The following STON2 variants were observed in gnomAD, a reference collection of about 807,000 sequenced individuals.
The protein encoded by STON2 is stonin 2, also known as stonin-2.
In STON2, 29 loss-of-function variants were observed where a neutral mutation model predicts 65.7. The observed-to-expected ratio is 0.44, with a 90% CI of 0.33 to 0.60. The LOEUF (loss-of-function observed/expected upper bound fraction) is 0.60. Ranked by LOEUF, STON2 falls within the 20% of genes least tolerant of loss-of-function variation. STON2 has a pLI of 0.03. For synonymous variants in STON2, 404 were observed against 414.2 expected (o/e 0.98, Z 0.30); for missense variants, 1,054 against 1,118.1 (o/e 0.94, Z 0.82).
Position 81,261,990 on chromosome 14 carries a change from G to A in STON2, c.*6424C>T. On this transcript the variant is annotated 3_prime_UTR_variant, in exon 8 of 8. Coordinates refer to ENST00000614646, the MANE Select transcript of STON2 (RefSeq NM_001394390.1). ...GAGAGATGTGAAAAGGAAAAAGATG[G>A]ACCAGGTGATTTTTCCAATCTTCAA... 1.4e-6 allele frequency: 2 copies of A among 1,382,644 alleles called. No individual in the cohort carries two copies. The highest frequency in any genetic ancestry group is 9.3e-7 in the Non-Finnish European group (1 of 1,072,394). 85.6% of individuals were successfully genotyped at this position (1,382,644 alleles called of 1,614,324 possible). A position where few individuals can be genotyped will look rare whatever the true frequency, so the allele number is the denominator to read the frequency against.
At chr14:81,366,146 G>A (rs963786213) in intron 4 of STON2, among the ~76,000 whole-genome samples, 2 of 152,190 alleles carry the variant, frequency 1.3e-5, no homozygotes, top group Non-Finnish European at 2.9e-5. Flanking sequence ...CGCACCCTGT[G>A]ATTTAACCAA....
At chr14:81,409,940 T>G (rs1901067614) in intron 2 of STON2, among the ~76,000 whole-genome samples, 1 of 152,208 alleles carries the variant, frequency 6.6e-6, no homozygotes, top group Non-Finnish European at 1.5e-5. Flanking sequence ...GTGAGAAATA[T>G]AGTTCTGAAA....
chr14:81,342,769 G>A (rs905862810), intron 4 of STON2, among the ~76,000 whole-genome samples: 1 of 145,392 alleles, frequency 6.9e-6, no homozygotes, highest in Non-Finnish European at 1.5e-5. Flanking sequence ...TGGTCTAGAA[G>A]GGGGGGCATG....
At position 81,266,833 on chromosome 14, in the gene STON2, C is replaced by G; in HGVS notation, c.*1581G>C. The G allele has an allele frequency of 2.4e-6, 1 of 417,826 alleles. No homozygotes were observed. The allele number at this position is 417,826 out of a possible 1,614,324, so 25.9% of individuals were successfully genotyped here. A position where few individuals can be genotyped will look rare whatever the true frequency, so the allele number is the denominator to read the frequency against. On this transcript the variant is annotated 3_prime_UTR_variant, in exon 8 of 8. Coordinates refer to ENST00000614646, the MANE Select transcript of STON2 (RefSeq NM_001394390.1). The stretch of plus-strand genomic sequence containing the variant: ...ACACACATAAACACACACAAACACA[C>G]ACATCCACAAACACACACTCCACTC...
At chr14:81,345,481 G>A (rs144663382) in intron 4 of STON2, among the ~76,000 whole-genome samples, 2 of 152,194 alleles carry the variant, frequency 1.3e-5, no homozygotes, top group African/African-American at 2.4e-5. Flanking sequence ...TCCGGACACA[G>A]AATTGTGAGA....
chr14:81,415,100 T>C (rs1402428189), intron 2 of STON2, among the ~76,000 whole-genome samples: 3 of 151,988 alleles, frequency 2.0e-5, no homozygotes, highest in African/African-American at 7.3e-5. Flanking sequence ...GCAGCTGGAG[T>C]GGCTCTCACT....
chr14:81,298,634 T>C (rs1895858850), intron 5 of STON2, among the ~76,000 whole-genome samples: 1 of 152,172 alleles, frequency 6.6e-6, no homozygotes, highest in Non-Finnish European at 1.5e-5. Context: ...GAAAAGCATG[T>C]TGAACAGAAC....
rs917616536 is a variant in STON2, at chr14:81,395,971, A to G, written c.296T>C (p.Ile99Thr). 3 of 1,614,014 alleles carry G rather than the reference A, an allele frequency of 1.9e-6. No individual in the cohort carries two copies. The highest frequency in any genetic ancestry group is 2.5e-6 in the Non-Finnish European group (3 of 1,180,018). Residue 99 changes from isoleucine to threonine, a missense_variant, in exon 3 of 8, where the codon ATC becomes ACC. Coordinates refer to ENST00000614646, the MANE Select transcript of STON2 (RefSeq NM_001394390.1). Reference protein sequence around the residue: ...EQPPPDLASAISNWVQFEDDT... With the variant: ...EQPPPDLASATSNWVQFEDDT... ...ATCTTCAAACTGAACCCAGTTGCTG[A>G]TGGCCGAGGCCAGGTCAGGTGGGGG...
In STON2 at chr14:81,429,219, C is replaced by T. The variant is rs545640913; in HGVS notation, c.-309-2007G>A. 5.0e-4 allele frequency among the ~76,000 whole-genome samples: 76 copies of T among 152,324 alleles called. No homozygotes were observed. The South Asian group carries it at 0.016, about 31-fold the overall frequency. On this transcript the variant is annotated intron_variant, in intron 1 of 8. Coordinates refer to the STON2 transcript ENST00000553821. Reference sequence around the variant, plus strand: ...GTCATCTTAATGTCATTCTTAGTGTCACCATCCTTACGGAGATATGAAGTG... The same window carrying T: ...GTCATCTTAATGTCATTCTTAGTGTTACCATCCTTACGGAGATATGAAGTG...
At chr14:81,401,048 G>A (rs1900588384), upstream of STON2, among the ~76,000 whole-genome samples, 1 of 152,204 alleles carries the variant, frequency 6.6e-6, no homozygotes, top group African/African-American at 2.4e-5. Context: ...CAGCACTGCT[G>A]CTATTGTTAA....
At chr14:81,355,570 A>T (rs1258849579) in intron 4 of STON2, among the ~76,000 whole-genome samples, 2 of 152,332 alleles carry the variant, frequency 1.3e-5, no homozygotes, top group South Asian at 4.1e-4. Flanking sequence ...AGGGAAAAAT[A>T]AAAAATTTTC....
chr14:81,290,753 G>A (rs1895524099), intron 5 of STON2, among the ~76,000 whole-genome samples: 1 of 152,156 alleles, frequency 6.6e-6, no homozygotes. Flanking sequence ...CATGTATGCA[G>A]TAGGCCTGTC....
intron 3 of STON2, among the ~76,000 whole-genome samples, chr14:81,393,982 G>A (rs976482463): frequency 3.9e-5 from 6 of 152,186 alleles, no homozygotes; most frequent in African/African-American, 1.4e-4. Flanking sequence ...CTGAGGTCAA[G>A]GAGTTCGAAA....
At chr14:81,324,344 T>C (rs1224580156) in intron 4 of STON2, among the ~76,000 whole-genome samples, 157 bp from the exon 5 acceptor site, 2 of 152,256 alleles carry the variant, frequency 1.3e-5, no homozygotes, top group Non-Finnish European at 2.9e-5. Context: ...CCTTTTGTGA[T>C]TACTTCCTGA....
At chr14:81,287,177 G>T (rs754518562) in intron 5 of STON2, among the ~76,000 whole-genome samples, 1 of 152,160 alleles carries the variant, frequency 6.6e-6, no homozygotes. Context: ...AGCTTCTAAC[G>T]TGCGTAAAAT....
chr14:81,352,160 A>C (rs1202740931), intron 4 of STON2, among the ~76,000 whole-genome samples: 1 of 152,168 alleles, frequency 6.6e-6, no homozygotes, highest in African/African-American at 2.4e-5. Context: ...AATAACTATA[A>C]TAATGCTATC....
Position 81,399,676 on chromosome 14 carries a change from C to T in STON2, c.-199+603G>A, listed in dbSNP as rs73341971. The stretch of plus-strand genomic sequence containing the variant: ...TAATTTTCAGAAACACATTTTCATA[C>T]CATACTTCACTTGATTCAGTAGCCA... On this transcript the variant is annotated intron_variant, in intron 1 of 7. Transcript: ENST00000614646. Among the ~76,000 whole-genome samples the T allele has an allele frequency of 2.6e-3, 398 of 152,274 alleles. 1 individual carries two copies. Among genetic ancestry groups the T allele is most frequent in the African/African-American group, 9.1e-3 (380 of 41,562 alleles).
intron 4 of STON2, among the ~76,000 whole-genome samples, chr14:81,328,806 C>T (rs1239189851): frequency 6.6e-6 from 1 of 152,040 alleles, no homozygotes; most frequent in African/African-American, 2.4e-5. Flanking sequence ...AGCCCGGCAC[C>T]TCCCCTCTCA....
In STON2 at chr14:81,374,107, C is replaced by T. The variant is rs572154744; in HGVS notation, c.374-2922G>A. Among the ~76,000 whole-genome samples the T allele has an allele frequency of 2.8e-5, 4 of 142,132 alleles. No individual in the cohort carries two copies. The South Asian group carries it at 7.0e-4, about 25-fold the overall frequency. 93.2% of individuals were successfully genotyped at this position (142,132 alleles called of 152,430 possible). On this transcript the variant is annotated intron_variant, in intron 3 of 7. Coordinates refer to ENST00000614646, the MANE Select transcript of STON2 (RefSeq NM_001394390.1). ...CTCACTGCAATCTCCACCTCCCGGG[C>T]TCAAGTGATTCTCATGCTTTAGCCT...
Sources: allele counts gnomAD v4.1 joint callset (sites outside exome capture counted in the v4.1 genomes callset), GRCh38; gene constraint gnomAD v4.1.1; transcripts MANE v1.5; gene names NCBI Gene and HGNC (gene_info 2026-07-23, HGNC 2026-07-21).